Variants in SYNPO2 observed in about 807,000 individuals in gnomAD.
SYNPO2 encodes the protein synaptopodin 2, also known as synaptopodin-2.
A neutral mutation model predicts 85.0 loss-of-function variants in SYNPO2; 56 were observed. The ratio of observed to expected loss-of-function variants is 0.66; its 90% CI spans 0.53 to 0.82. The LOEUF (loss-of-function observed/expected upper bound fraction) is 0.82. SYNPO2 is among the 40% of genes least tolerant of loss of function. The probability of loss-of-function intolerance (pLI) is 0.00; values close to 1 mark genes in which losing one functional copy is unlikely to be tolerated. For synonymous variants in SYNPO2, 602 were observed against 591.1 expected (o/e 1.02, Z -0.27); for missense variants, 1,575 against 1,534.2 (o/e 1.03, Z -0.44).
At chr4:118,877,487 T>G (rs891442386) in intron 1 of SYNPO2, among the ~76,000 whole-genome samples, 5 of 152,124 alleles carry the variant, frequency 3.3e-5, no homozygotes, top group African/African-American at 1.2e-4. Context: ...TAAGAATCTA[T>G]AAGGAACTTA....
At chr4:118,929,732 G>A (rs1437485505) in intron 1 of SYNPO2, among the ~76,000 whole-genome samples, 6 of 151,968 alleles carry the variant, frequency 3.9e-5, no homozygotes, top group Non-Finnish European at 5.9e-5. Context: ...AAGTACATGT[G>A]TACATTTTCT....
intron 1 of SYNPO2, among the ~76,000 whole-genome samples, chr4:118,952,234 A>T (rs1388171796): frequency 6.6e-6 from 1 of 152,244 alleles, no homozygotes. Context: ...CCACAGCAAT[A>T]GGTATTTTCA....
At chr4:118,888,231 T>C (rs945566900), upstream of SYNPO2, among the ~76,000 whole-genome samples, 6 of 152,208 alleles carry the variant, frequency 3.9e-5, no homozygotes, top group African/African-American at 1.4e-4. Flanking sequence ...ATTATAAGAA[T>C]GTAGTTTCCA....
intron 1 of SYNPO2, among the ~76,000 whole-genome samples, chr4:118,879,125 C>T (rs929679699): frequency 6.6e-6 from 1 of 152,146 alleles, no homozygotes; most frequent in Non-Finnish European, 1.5e-5. Context: ...CAGAACTCGC[C>T]AGAAGGAAGA....
chr4:119,024,380 G>A (rs1737855149), intron 2 of SYNPO2, among the ~76,000 whole-genome samples: 1 of 152,154 alleles, frequency 6.6e-6, no homozygotes, highest in South Asian at 2.1e-4. Flanking sequence ...GCAGCTTTTA[G>A]GAAGATGTCA....
chr4:119,021,315 C>T (rs1273330825), intron 1 of SYNPO2, among the ~76,000 whole-genome samples: 1 of 152,156 alleles, frequency 6.6e-6, no homozygotes, highest in Non-Finnish European at 1.5e-5. Flanking sequence ...TCATTTAAGA[C>T]TTTAGCAGGA....
chr4:119,024,093 A>C (rs1737841540), intron 2 of SYNPO2, among the ~76,000 whole-genome samples: 1 of 152,258 alleles, frequency 6.6e-6, no homozygotes, highest in South Asian at 2.1e-4. Flanking sequence ...GGACAAAAGC[A>C]GATGATTAGA....
intron 1 of SYNPO2, among the ~76,000 whole-genome samples, chr4:118,897,675 G>A (rs913925742): frequency 2.0e-5 from 3 of 152,260 alleles, no homozygotes; most frequent in Admixed American, 1.3e-4. Context: ...GTTACCCTTA[G>A]TTAAGATCCC....
intron 1 of SYNPO2, among the ~76,000 whole-genome samples, chr4:118,939,665 T>C (rs1734234846): frequency 6.6e-6 from 1 of 152,194 alleles, no homozygotes. Context: ...ATATTCCAGG[T>C]GACTGCAAGT....
chr4:118,860,305 A>C (rs1002742709), intron 1 of SYNPO2, among the ~76,000 whole-genome samples: 2 of 151,714 alleles, frequency 1.3e-5, no homozygotes, highest in Non-Finnish European at 2.9e-5. Flanking sequence ...GTGTAGTGGC[A>C]TGATCACAGC....
chr4:119,037,105 G>C, intron 4 of SYNPO2: 9 of 1,536,146 alleles, frequency 5.9e-6, no homozygotes, highest in Non-Finnish European at 7.9e-6. Context: ...TGTGTGCTCT[G>C]TGACAGGTGA....
intron 1 of SYNPO2, among the ~76,000 whole-genome samples, chr4:118,940,775 G>T (rs1734282986): frequency 6.6e-6 from 1 of 152,122 alleles, no homozygotes; most frequent in Admixed American, 6.5e-5. Flanking sequence ...AGTGAGGCTG[G>T]GAGGAAGTGG....
chr4:118,851,283 G>A (rs1342534166), intron 1 of SYNPO2, among the ~76,000 whole-genome samples: 1 of 152,042 alleles, frequency 6.6e-6, no homozygotes, highest in Non-Finnish European at 1.5e-5. Context: ...AAATGATTGA[G>A]GATTGACCAG....
intron 1 of SYNPO2, among the ~76,000 whole-genome samples, chr4:118,865,594 G>A (rs998335571): frequency 6.6e-6 from 1 of 152,184 alleles, no homozygotes; most frequent in Admixed American, 6.5e-5. Context: ...TTGTTTTATG[G>A]TTGAGATTTG....
intron 1 of SYNPO2, among the ~76,000 whole-genome samples, chr4:118,859,747 A>T (rs749199718): frequency 6.6e-6 from 1 of 152,198 alleles, no homozygotes; most frequent in Non-Finnish European, 1.5e-5. Flanking sequence ...ACTGGATTTC[A>T]TTCTTTTCTA....
intron 1 of SYNPO2, among the ~76,000 whole-genome samples, chr4:118,941,033 A>C (rs1464207185): frequency 6.6e-6 from 1 of 152,128 alleles, no homozygotes; most frequent in Non-Finnish European, 1.5e-5. Flanking sequence ...CCTGTAGAGC[A>C]TCTCTCTTCC....
rs180736718 is a variant in SYNPO2, at chr4:118,863,372, G to T, written c.12+12432G>T. Among the ~76,000 whole-genome samples the T allele has an allele frequency of 1.9e-3, 288 of 152,072 alleles. 1 individual carries two copies. The highest frequency in any genetic ancestry group is 6.6e-3 in the African/African-American group (274 of 41,480). On this transcript the variant is annotated intron_variant, in intron 1 of 4. Coordinates refer to the SYNPO2 transcript ENST00000610556. Reference sequence around the variant, plus strand: ...CTGTTCAGGGTTTGGATTTCTTCTTGGTTCAATCTTGGTAGGTTGTATGTG... The same window carrying T: ...CTGTTCAGGGTTTGGATTTCTTCTTTGTTCAATCTTGGTAGGTTGTATGTG...
At chr4:118,855,281 T>C (rs951672924) in intron 1 of SYNPO2, among the ~76,000 whole-genome samples, 3 of 152,090 alleles carry the variant, frequency 2.0e-5, no homozygotes, top group Non-Finnish European at 2.9e-5. Context: ...TGTGCTGAAA[T>C]AGAATGAAAT....
chr4:118,884,210 G>T (rs1458293846), upstream of SYNPO2, among the ~76,000 whole-genome samples: 1 of 152,090 alleles, frequency 6.6e-6, no homozygotes, highest in Non-Finnish European at 1.5e-5. Flanking sequence ...AATGGCTCAG[G>T]AAAAAAGGCA....
Sources: allele counts gnomAD v4.1 joint callset (sites outside exome capture counted in the v4.1 genomes callset), GRCh38; gene constraint gnomAD v4.1.1; transcripts MANE v1.5; gene names NCBI Gene and HGNC (gene_info 2026-07-23, HGNC 2026-07-21).